The following GNL3L variants were observed in gnomAD, a reference collection of about 807,000 sequenced individuals.
GNL3L encodes the protein guanine nucleotide-binding protein-like 3-like protein.
GNL3L carries 4 observed loss-of-function variants against 42.9 expected under a neutral mutation model. The observed-to-expected ratio is 0.09, with a 90% CI of 0.05 to 0.21. GNL3L has a LOEUF of 0.21. Ranked by LOEUF, GNL3L falls within the 10% of genes least tolerant of loss-of-function variation. The pLI, the probability that GNL3L is intolerant of heterozygous loss-of-function variation, is 1.00. For missense variants in GNL3L, 412 were observed against 481.7 expected (o/e 0.86, Z 1.36); for synonymous variants, 159 against 176.3 (o/e 0.90, Z 0.78).
chrX:54,638,293 C>A, the GNL3L span, among the ~76,000 whole-genome samples: 1 of 111,268 alleles, frequency 9.0e-6, no homozygotes, highest in Admixed American at 9.6e-5. Flanking sequence ...GCGAATTAGA[C>A]ACAGTCCACA....
At chrX:54,623,545 G>A (rs139301678), downstream of GNL3L, among the ~76,000 whole-genome samples, 672 of 111,991 alleles carry the variant, frequency 6.0e-3, 6 homozygotes, top group African/African-American at 0.021. Flanking sequence ...CTACAGGCGC[G>A]CGCCACTGTG....
chrX:54,587,976 G>A (rs1329629051), intron 16 of GNL3L, among the ~76,000 whole-genome samples: 1 of 112,034 alleles, frequency 8.9e-6, no homozygotes, highest in Non-Finnish European at 1.9e-5. Flanking sequence ...CACTGTGCCT[G>A]GCCAGGGTTG....
At chrX:54,643,525 T>C in the GNL3L span, among the ~76,000 whole-genome samples, 1 of 111,206 alleles carries the variant, frequency 9.0e-6, no homozygotes, top group Non-Finnish European at 1.9e-5. Flanking sequence ...ATGGGTTACA[T>C]GTGATATTTT....
the GNL3L span, among the ~76,000 whole-genome samples, chrX:54,637,985 C>A: frequency 2.7e-5 from 3 of 111,416 alleles, no homozygotes; most frequent in Non-Finnish European, 3.8e-5. Flanking sequence ...TCTACTTTTG[C>A]ATATGTTAAA....
intron 2 of GNL3L, among the ~76,000 whole-genome samples, chrX:54,534,736 A>G (rs1474547696): frequency 9.0e-6 from 1 of 111,667 alleles, no homozygotes; most frequent in African/African-American, 3.3e-5. Context: ...TGAAAAACCT[A>G]TGAGCAGAGG....
the GNL3L span, among the ~76,000 whole-genome samples, chrX:54,632,773 G>T: frequency 8.9e-6 from 1 of 111,950 alleles, no homozygotes; most frequent in South Asian, 3.7e-4. Flanking sequence ...GCAATTCAGA[G>T]ATTTCTTCTT....
chrX:54,538,793 C>T (rs1924523806), intron 2 of GNL3L, among the ~76,000 whole-genome samples: 1 of 111,776 alleles, frequency 8.9e-6, no homozygotes, highest in Admixed American at 9.5e-5. Flanking sequence ...ATTCAGGTTT[C>T]TCTCTGTACA....
chrX:54,589,185 A>G (rs1925832733), intron 16 of GNL3L, among the ~76,000 whole-genome samples: 1 of 111,634 alleles, frequency 9.0e-6, no homozygotes. Flanking sequence ...TACACTCTTT[A>G]AAATGTACAA....
chrX:54,572,732 G>T (rs1337974206), intron 16 of GNL3L, among the ~76,000 whole-genome samples: 1 of 109,763 alleles, frequency 9.1e-6, no homozygotes, highest in East Asian at 2.9e-4. Context: ...GGGCGGAGAT[G>T]CTCCTCACTT....
rs761152959 is a variant in GNL3L at position 54,606,569 on chromosome X, G to A, written c.*46-14276G>A. ...TAGCTCACTGTAACCTCAAACCCCT[G>A]GGCTGTAACAACCCTCCCACCTTAG... On this transcript the variant is annotated intron_variant, in intron 16 of 16. Transcript: ENST00000674498. Among the ~76,000 whole-genome samples the A allele has an allele frequency of 4.5e-5, 5 of 110,209 alleles. No homozygotes were observed. The East Asian group carries it at 1.4e-3, about 32-fold the overall frequency.
At chrX:54,614,336 G>A (rs958645281) in intron 16 of GNL3L, among the ~76,000 whole-genome samples, 1 of 111,154 alleles carries the variant, frequency 9.0e-6, no homozygotes, top group East Asian at 2.8e-4. Flanking sequence ...ACTTGCCCCC[G>A]GCTACTCACC....
chrX:54,579,593 A>G (rs779829797), intron 16 of GNL3L, among the ~76,000 whole-genome samples: 2 of 111,383 alleles, frequency 1.8e-5, no homozygotes, highest in Non-Finnish European at 3.8e-5. Context: ...AGGTCTTGCT[A>G]TGTGGCACAG....
At chrX:54,530,829 G>A (rs1457116126) in intron 1 of GNL3L, among the ~76,000 whole-genome samples, 2 of 111,494 alleles carry the variant, frequency 1.8e-5, no homozygotes, top group Non-Finnish European at 3.8e-5. Context: ...ACAGACAGAG[G>A]CTTTGATGTA....
At chrX:54,542,563 T>C (rs1274303518) in intron 5 of GNL3L, among the ~76,000 whole-genome samples, 3 of 111,521 alleles carry the variant, frequency 2.7e-5, no homozygotes, top group African/African-American at 9.8e-5. Flanking sequence ...AACATACGTG[T>C]GCATGTGTCT....
chrX:54,598,718 T>C (rs1925967516), intron 16 of GNL3L, among the ~76,000 whole-genome samples: 1 of 111,844 alleles, frequency 8.9e-6, no homozygotes, highest in African/African-American at 3.2e-5. Flanking sequence ...AATGAAATAC[T>C]AAGAATCTAA....
intron 16 of GNL3L, among the ~76,000 whole-genome samples, chrX:54,607,477 G>C (rs985219226): frequency 9.2e-6 from 1 of 108,580 alleles, no homozygotes; most frequent in African/African-American, 3.4e-5. Flanking sequence ...TGGAATAATA[G>C]CTGATTCCAG....
intron 16 of GNL3L, among the ~76,000 whole-genome samples, chrX:54,614,750 G>A (rs754708168): frequency 2.7e-5 from 3 of 111,383 alleles, no homozygotes; most frequent in Admixed American, 1.9e-4. Flanking sequence ...TCCGCTGTTC[G>A]GGCGCTCACA....
chrX:54,639,592 T>C, the GNL3L span, among the ~76,000 whole-genome samples: 1 of 111,785 alleles, frequency 8.9e-6, no homozygotes, highest in Non-Finnish European at 1.9e-5. Context: ...GCCTTGAGCT[T>C]TGCAGCTTTT....
intron 16 of GNL3L, among the ~76,000 whole-genome samples, chrX:54,594,821 C>T (rs889366374): frequency 1.8e-5 from 2 of 110,987 alleles, no homozygotes; most frequent in African/African-American, 6.5e-5. Flanking sequence ...AAATATACTA[C>T]CTTATTAACC....
Sources: allele counts gnomAD v4.1 joint callset (sites outside exome capture counted in the v4.1 genomes callset), GRCh38; gene constraint gnomAD v4.1.1; transcripts MANE v1.5; gene names NCBI Gene and HGNC (gene_info 2026-07-23, HGNC 2026-07-21).